Variants in ANKS1B observed in about 807,000 individuals in gnomAD.
ANKS1B encodes ankyrin repeat and sterile alpha motif domain containing 1B, also known as ankyrin repeat and sterile alpha motif domain-containing protein 1B.
A neutral mutation model predicts 148.3 loss-of-function variants in ANKS1B; 36 were observed. That is an observed-to-expected ratio of 0.24 (90% CI 0.19 to 0.32). The LOEUF (loss-of-function observed/expected upper bound fraction) is 0.32. Among genes scored for constraint, ANKS1B ranks in the 10% least tolerant of loss-of-function variants. The pLI is 1.00. For missense variants in ANKS1B, 1,157 were observed against 1,542.6 expected, an observed-to-expected ratio of 0.75 and a Z score of 4.19; for synonymous variants, 542 against 560.8, an observed-to-expected ratio of 0.97 and a Z score of 0.47.
At chr12:99,203,396 A>T (rs1034558434) in intron 14 of ANKS1B, among the ~76,000 whole-genome samples, 2 of 151,460 alleles carry the variant, frequency 1.3e-5, no homozygotes, top group African/African-American at 4.9e-5. Flanking sequence ...CTCAGGCTTT[A>T]TCTCCTGCCA....
intron 12 of ANKS1B, among the ~76,000 whole-genome samples, chr12:99,363,272 A>G (rs1566960667): frequency 6.6e-6 from 1 of 152,138 alleles, no homozygotes; most frequent in Non-Finnish European, 1.5e-5. Context: ...AAAGGAAGGG[A>G]GAAATTATAG....
chr12:99,267,959 G>A (rs1205285280), intron 12 of ANKS1B, among the ~76,000 whole-genome samples: 2 of 152,178 alleles, frequency 1.3e-5, no homozygotes, highest in African/African-American at 4.8e-5. Context: ...AAATAAGGTT[G>A]CAAAGGTAGG....
At chr12:99,854,136 C>T (rs577671255) in intron 1 of ANKS1B, among the ~76,000 whole-genome samples, 6 of 152,274 alleles carry the variant, frequency 3.9e-5, no homozygotes, top group East Asian at 3.9e-4. Flanking sequence ...CTCAGCCTCC[C>T]GAGTAGCTGG....
At chr12:99,824,887 T>C (rs1443823196) in intron 2 of ANKS1B, among the ~76,000 whole-genome samples, 2 of 152,180 alleles carry the variant, frequency 1.3e-5, no homozygotes, top group African/African-American at 4.8e-5. Flanking sequence ...AAGTGGTTCA[T>C]ATAAGTGACC....
intron 10 of ANKS1B, among the ~76,000 whole-genome samples, chr12:99,503,870 T>A (rs529328957): frequency 6.6e-6 from 1 of 152,268 alleles, no homozygotes; most frequent in African/African-American, 2.4e-5. Flanking sequence ...TTAGCTTTCA[T>A]ATAATCACTC....
Position 98,802,594 on chromosome 12 carries a change from C to CTTTTTTTTTTTTTT in ANKS1B, c.3142-1483_3142-1470dup, listed in dbSNP as rs397850118. 5.7e-5 allele frequency among the ~76,000 whole-genome samples: 2 copies of CTTTTTTTTTTTTTT among 34,790 alleles called. 1 individual carries two copies. The highest frequency in any genetic ancestry group is 2.1e-4 in the African/African-American group (2 of 9,502). The allele number at this position is 34,790 out of a possible 152,430, so 22.8% of individuals were successfully genotyped here. A position where few individuals can be genotyped will look rare whatever the true frequency, so the allele number is the denominator to read the frequency against. ...CTAGAGGACTTCAGTAATGCACAGG[C>CTTTTTTTTTTTTTT]TTTTTTTTTTTTTTTTTTTTTTTTT... is the stretch of plus-strand genomic sequence containing the variant. On this transcript the variant is annotated intron_variant, in intron 20 of 26. Coordinates refer to ENST00000683438, the MANE Select transcript of ANKS1B (RefSeq NM_001352186.2).
At chr12:98,756,547 CT>C (rs570427731) in intron 25 of ANKS1B, among the ~76,000 whole-genome samples, 2,311 of 109,368 alleles carry the variant, frequency 0.021, 21 homozygotes, top group Middle Eastern at 0.04. Flanking sequence ...CCCATCCCTA[CT>C]AAAAATACAA....
chr12:99,959,887 A>G (rs777135758), intron 1 of ANKS1B, among the ~76,000 whole-genome samples: 3 of 152,194 alleles, frequency 2.0e-5, no homozygotes, highest in Non-Finnish European at 4.4e-5. Flanking sequence ...ATTTTAAATA[A>G]CATCATGCAT....
At chr12:99,968,161 T>C (rs2095510807) in intron 1 of ANKS1B, among the ~76,000 whole-genome samples, 1 of 152,146 alleles carries the variant, frequency 6.6e-6, no homozygotes, top group Non-Finnish European at 1.5e-5. Context: ...CCAGTTTTCC[T>C]ACACAGCCTA....
chr12:98,913,547 G>C (rs908017218), intron 17 of ANKS1B, among the ~76,000 whole-genome samples: 2 of 152,146 alleles, frequency 1.3e-5, no homozygotes, highest in African/African-American at 4.8e-5. Flanking sequence ...CACTTCCTCA[G>C]TGTACATCTC....
intron 9 of ANKS1B, among the ~76,000 whole-genome samples, chr12:99,552,250 C>T (rs1336237827): frequency 2.0e-5 from 3 of 152,132 alleles, no homozygotes; most frequent in African/African-American, 4.8e-5. Context: ...AAAAAGATTA[C>T]GAGTTCCAAG....
rs1185065992 is a variant in ANKS1B at position 98,895,138 on chromosome 12, G to C, written c.2779-63002C>G. 76 of 984,958 alleles carry C rather than the reference G, an allele frequency of 7.7e-5. 1 individual carries two copies. Among genetic ancestry groups the C allele is most frequent in the Non-Finnish European group, 7.8e-5 (65 of 829,962 alleles). The allele number at this position is 984,958 out of a possible 1,614,324, so 61.0% of individuals were successfully genotyped here. On this transcript the variant is annotated intron_variant, in intron 17 of 26. Transcript: ENST00000683438. ...GGCCGCCGGGGAGGGCTTACCGCTC[G>C]GGCGGACCCTCACTGCGAGAGCGAT... is the stretch of plus-strand genomic sequence containing the variant.
At chr12:99,029,427 G>A (rs1271287690) in intron 17 of ANKS1B, among the ~76,000 whole-genome samples, 1 of 152,184 alleles carries the variant, frequency 6.6e-6, no homozygotes, top group Non-Finnish European at 1.5e-5. Flanking sequence ...AAGTTGTCTG[G>A]GCTGCTGCAG....
intron 8 of ANKS1B, among the ~76,000 whole-genome samples, chr12:99,666,891 T>A (rs1415519829): frequency 2.1e-5 from 3 of 145,858 alleles, no homozygotes; most frequent in African/African-American, 7.5e-5. Context: ...TGTGTGTGTG[T>A]GTGTGGTGAG....
At chr12:99,224,776 T>A (rs2085637274) in intron 14 of ANKS1B, among the ~76,000 whole-genome samples, 3 of 152,218 alleles carry the variant, frequency 2.0e-5, no homozygotes, top group Admixed American at 6.5e-5. Flanking sequence ...GATGAAGCAA[T>A]GACCAACCCA....
chr12:98,751,708 G>A lies in ANKS1B; in HGVS notation c.3580-186C>T, dbSNP rs1305118615. Among the ~76,000 whole-genome samples, 1 of 152,184 alleles carries A rather than the reference G, an allele frequency of 6.6e-6. No individual in the cohort carries two copies. Among genetic ancestry groups the A allele is most frequent in the African/African-American group, 2.4e-5 (1 of 41,440 alleles). On this transcript the variant is annotated intron_variant, in intron 25 of 26. Transcript: ENST00000683438. The surrounding 1 kb of genome is among the most constrained non-coding windows in gnomAD (Gnocchi z 4.3). ...GGGTCCAACTTAGGGTTTACACCAG[G>A]CTTTAGTCATTTGTGAAAAGAAAAA...
intron 9 of ANKS1B, among the ~76,000 whole-genome samples, chr12:99,590,837 A>G (rs1221395148): frequency 6.6e-6 from 1 of 152,174 alleles, no homozygotes; most frequent in East Asian, 1.9e-4. Context: ...TGTGTCCATC[A>G]GAGAAACAAT....
intron 1 of ANKS1B, among the ~76,000 whole-genome samples, chr12:99,933,816 T>G (rs1222100848): frequency 6.6e-6 from 1 of 152,128 alleles, no homozygotes; most frequent in Non-Finnish European, 1.5e-5. Context: ...TGTCTTGTTC[T>G]AGATTTTATG....
At chr12:98,799,935 G>A (rs183303797) in intron 21 of ANKS1B, among the ~76,000 whole-genome samples, 1 of 151,988 alleles carries the variant, frequency 6.6e-6, no homozygotes, top group Non-Finnish European at 1.5e-5. Flanking sequence ...ATATCTGATG[G>A]ACACTTCCTG....
Sources: gnomAD v4.1 joint callset for allele counts (sites outside exome capture counted in the v4.1 genomes callset) on GRCh38, gnomAD v4.1.1 for gene constraint, Gnocchi (gnomAD v3.1) non-coding constraint, MANE v1.5 for transcripts, NCBI Gene and HGNC (gene_info 2026-07-23, HGNC 2026-07-21) for gene names.